Variants in RCOR1 observed in about 807,000 individuals in gnomAD.
RCOR1 encodes REST corepressor.
In RCOR1, 12 loss-of-function variants were observed where a neutral mutation model predicts 64.0. The ratio of observed to expected loss-of-function variants is 0.19; its 90% CI spans 0.12 to 0.30. The LOEUF (loss-of-function observed/expected upper bound fraction) is 0.30. RCOR1 is among the 10% of genes least tolerant of loss of function. The probability of loss-of-function intolerance (pLI) is 1.00; values close to 1 mark genes in which losing one functional copy is unlikely to be tolerated. For missense variants in RCOR1, 502 were observed against 621.2 expected (o/e 0.81, Z 2.04); for synonymous variants, 279 against 227.2 (o/e 1.23, Z -2.05).
intron 2 of RCOR1, among the ~76,000 whole-genome samples, chr14:102,673,334 A>G (rs1423630637): frequency 7.8e-6 from 1 of 127,538 alleles, no homozygotes; most frequent in Non-Finnish European, 1.7e-5. Context: ...CCAATCCCTG[A>G]TTTTTTTTTT....
intron 6 of RCOR1, among the ~76,000 whole-genome samples, chr14:102,709,429 T>C (rs966079870): frequency 4.6e-5 from 7 of 152,170 alleles, no homozygotes; most frequent in Admixed American, 2.6e-4. Context: ...GTAATATTTT[T>C]ATCAATTAAT....
At chr14:102,674,947 C>G (rs914663233) in intron 2 of RCOR1, among the ~76,000 whole-genome samples, 4 of 149,128 alleles carry the variant, frequency 2.7e-5, no homozygotes, top group African/African-American at 1.0e-4. Context: ...GTAGTCCCAG[C>G]TACAGGCTGG....
chr14:102,693,862 T>G (rs913423288), intron 3 of RCOR1, among the ~76,000 whole-genome samples: 2 of 152,192 alleles, frequency 1.3e-5, no homozygotes, highest in African/African-American at 4.8e-5. Context: ...TATGCTTTTT[T>G]TTTTAATCTT....
chr14:102,729,985 T>C lies in RCOR1; in HGVS notation c.*3479T>C, dbSNP rs1896339284. 2.5e-6 allele frequency: 1 copy of C among 398,984 alleles called. No individual in the cohort carries two copies. Among genetic ancestry groups the C allele is most frequent in the African/African-American group, 2.1e-5 (1 of 48,642 alleles). The allele number at this position is 398,984 out of a possible 1,614,324, so 24.7% of individuals were successfully genotyped here. On this transcript the variant is annotated 3_prime_UTR_variant, in exon 12 of 12. Coordinates refer to ENST00000262241, the MANE Select transcript of RCOR1 (RefSeq NM_015156.4). ...ACCTAAACCTAGTGGTCCTGTGCGA[T>C]GCTCTTTCTGCCAGTCCCTGAATCT...
At chr14:102,722,835 C>A (rs543535989) in intron 11 of RCOR1, among the ~76,000 whole-genome samples, 8 of 152,320 alleles carry the variant, frequency 5.3e-5, no homozygotes, top group Non-Finnish European at 8.8e-5. Context: ...CGCAGCACAG[C>A]GAGCCAGCCA....
At chr14:102,623,375 C>CTTTA (rs201016680) in intron 2 of RCOR1, among the ~76,000 whole-genome samples, 23 of 137,964 alleles carry the variant, frequency 1.7e-4, no homozygotes, top group East Asian at 9.7e-4. Context: ...AATTTACTTC[C>CTTTA]TTTATTTATT....
At chr14:102,641,935 A>G (rs1210504741) in intron 2 of RCOR1, among the ~76,000 whole-genome samples, 2 of 152,184 alleles carry the variant, frequency 1.3e-5, no homozygotes, top group Non-Finnish European at 2.9e-5. Context: ...TCATAGGGAA[A>G]TCATGGGAAT....
chr14:102,655,180 G>C, intron 2 of RCOR1: 1 of 693,784 alleles, frequency 1.4e-6, no homozygotes, highest in Non-Finnish European at 1.8e-6. Context: ...ACAGGCATAT[G>C]GTACAAAATT....
intron 2 of RCOR1, among the ~76,000 whole-genome samples, chr14:102,610,153 G>A (rs940616098): frequency 4.6e-5 from 7 of 150,932 alleles, no homozygotes; most frequent in Non-Finnish European, 1.5e-5. Context: ...AAGAGAAATC[G>A]TCCTTTAAGT....
intron 2 of RCOR1, chr14:102,651,102 C>T: frequency 1.0e-6 from 1 of 984,484 alleles, no homozygotes; most frequent in Non-Finnish European, 1.2e-6. Context: ...AAGAATTTGA[C>T]AGTATGTTTG....
chr14:102,615,126 C>CT (rs1893728994), intron 2 of RCOR1, among the ~76,000 whole-genome samples: 2 of 70,622 alleles, frequency 2.8e-5, no homozygotes, highest in African/African-American at 4.1e-5. Context: ...CCATAGTGCC[C>CT]GGCCCCCCCG....
At chr14:102,723,461 CAT>C (rs750899710) in intron 11 of RCOR1, among the ~76,000 whole-genome samples, 12 of 152,296 alleles carry the variant, frequency 7.9e-5, no homozygotes, top group South Asian at 2.1e-4. Flanking sequence ...ACCATTGAAA[CAT>C]ATTAAATTTG....
At chr14:102,680,976 C>T (rs888441245) in intron 2 of RCOR1, among the ~76,000 whole-genome samples, 1 of 152,080 alleles carries the variant, frequency 6.6e-6, no homozygotes, top group Non-Finnish European at 1.5e-5. Context: ...AAGTAACTGC[C>T]TCTCAGATTT....
intron 2 of RCOR1, among the ~76,000 whole-genome samples, chr14:102,673,598 G>C (rs143400708): frequency 3.7e-3 from 561 of 151,706 alleles, no homozygotes; most frequent in Non-Finnish European, 6.9e-3. Context: ...GCCTCCCAAA[G>C]TGCTGGGATT....
intron 2 of RCOR1, among the ~76,000 whole-genome samples, chr14:102,661,835 C>T (rs1894829695): frequency 1.3e-5 from 2 of 152,218 alleles, no homozygotes; most frequent in Admixed American, 1.3e-4. Flanking sequence ...TGGCTCACTG[C>T]AGCCTTGAAC....
intron 2 of RCOR1, among the ~76,000 whole-genome samples, chr14:102,638,299 T>C (rs1894287943): frequency 6.6e-6 from 1 of 152,240 alleles, no homozygotes; most frequent in Non-Finnish European, 1.5e-5. Context: ...AGTTGGGATT[T>C]GTAGGGAAGA....
intron 2 of RCOR1, among the ~76,000 whole-genome samples, chr14:102,675,825 T>A (rs1177702933): frequency 6.6e-6 from 1 of 152,206 alleles, no homozygotes; most frequent in Non-Finnish European, 1.5e-5. Context: ...ATCTATTCAT[T>A]ATCCCTGTAC....
intron 11 of RCOR1, 37 bp downstream of exon 11, chr14:102,722,453 G>T: frequency 1.3e-6 from 2 of 1,526,046 alleles, no homozygotes; most frequent in Non-Finnish European, 1.8e-6. Context: ...CTCTTGTCAG[G>T]TTCACGCTTG....
At chr14:102,705,133 A>G (rs1895825421) in intron 4 of RCOR1, among the ~76,000 whole-genome samples, 1 of 151,664 alleles carries the variant, frequency 6.6e-6, no homozygotes, top group Non-Finnish European at 1.5e-5. Flanking sequence ...AACAACAACA[A>G]AAAAAAAGAG....
Sources: allele counts gnomAD v4.1 joint callset (sites outside exome capture counted in the v4.1 genomes callset), GRCh38; gene constraint gnomAD v4.1.1; transcripts MANE v1.5; gene names NCBI Gene and HGNC (gene_info 2026-07-23, HGNC 2026-07-21).